The following SAP30BP variants were observed in gnomAD, a reference collection of about 807,000 sequenced individuals.
The protein encoded by SAP30BP is SAP30-binding protein.
A neutral mutation model predicts 46.3 loss-of-function variants in SAP30BP; 31 were observed. The ratio of observed to expected loss-of-function variants is 0.67; its 90% CI spans 0.50 to 0.90. The LOEUF (loss-of-function observed/expected upper bound fraction) is 0.90, where lower values mean the gene tolerates loss of function less well. Among genes scored for constraint, SAP30BP ranks in the 40% least tolerant of loss-of-function variants. The pLI is 0.00. For synonymous variants in SAP30BP, 169 were observed against 144.2 expected, an observed-to-expected ratio of 1.17 and a Z score of -1.23; for missense variants, 312 against 391.0, an observed-to-expected ratio of 0.80 and a Z score of 1.70.
At chr17:75,698,919 A>C (rs1301984852) in intron 4 of SAP30BP, among the ~76,000 whole-genome samples, 1 of 152,236 alleles carries the variant, frequency 6.6e-6, no homozygotes, top group Non-Finnish European at 1.5e-5. Context: ...TGGGCCAGGC[A>C]CAGTGGCTCA....
At chr17:75,667,853 T>C (rs1296764061) in intron 1 of SAP30BP, among the ~76,000 whole-genome samples, 6 of 152,240 alleles carry the variant, frequency 3.9e-5, no homozygotes, top group Non-Finnish European at 5.9e-5. Context: ...GTTAACTTTA[T>C]AACTTTTAGT....
chr17:75,682,700 A>G (rs1157525348), intron 3 of SAP30BP, among the ~76,000 whole-genome samples: 1 of 152,038 alleles, frequency 6.6e-6, no homozygotes, highest in African/African-American at 2.4e-5. Flanking sequence ...GCAGTGGCTC[A>G]TGCCTGTAAT....
At chr17:75,682,738 C>T (rs7219853) in intron 3 of SAP30BP, among the ~76,000 whole-genome samples, 4 of 151,562 alleles carry the variant, frequency 2.6e-5, no homozygotes. Flanking sequence ...CCAAGGCGGG[C>T]GAATCACGAG....
chr17:75,693,390 T>C (rs1326950833), intron 3 of SAP30BP, 50 bp from the exon 4 acceptor site: 1 of 1,517,748 alleles, frequency 6.6e-7, no homozygotes, highest in Non-Finnish European at 9.2e-7. Flanking sequence ...AGAGAGTAGC[T>C]GGTTCAGGAG....
At chr17:75,699,067 C>T (rs1396886273) in intron 4 of SAP30BP, among the ~76,000 whole-genome samples, 1 of 152,200 alleles carries the variant, frequency 6.6e-6, no homozygotes, top group Non-Finnish European at 1.5e-5. Flanking sequence ...TGGCATGCAC[C>T]TGTAGTCCTA....
chr17:75,672,191 T>C, intron 3 of SAP30BP: 1 of 333,654 alleles, frequency 3.0e-6, no homozygotes, highest in South Asian at 3.2e-5. Flanking sequence ...GGTGGATTAG[T>C]CTGTTTCTAG....
intron 4 of SAP30BP, among the ~76,000 whole-genome samples, chr17:75,699,545 C>T (rs2060375004): frequency 6.6e-6 from 1 of 151,396 alleles, no homozygotes; most frequent in African/African-American, 2.4e-5. Context: ...CTGCTGTATA[C>T]ATTTATTCCC....
chr17:75,695,030 A>G (rs1568316970), intron 4 of SAP30BP, among the ~76,000 whole-genome samples: 1 of 152,114 alleles, frequency 6.6e-6, no homozygotes, highest in East Asian at 1.9e-4. Flanking sequence ...TCACTCCGAA[A>G]TGTTCCCTTG....
At chr17:75,699,505 TAAAAAAAA>T in intron 4 of SAP30BP, among the ~76,000 whole-genome samples, 1 of 134,070 alleles carries the variant, frequency 7.5e-6, no homozygotes, top group South Asian at 2.5e-4. Flanking sequence ...CCCGTCTCTT[TAAAAAAAA>T]AAAAAAAAAC....
intron 9 of SAP30BP, chr17:75,705,206 G>T (rs1004619146): frequency 4.1e-6 from 1 of 242,242 alleles, no homozygotes; most frequent in South Asian, 5.1e-5. Context: ...TCAGTGGCTC[G>T]CCTGGGTGCT....
chr17:75,682,086 A>G (rs2060084641), intron 3 of SAP30BP, among the ~76,000 whole-genome samples: 1 of 151,820 alleles, frequency 6.6e-6, no homozygotes, highest in East Asian at 1.9e-4. Context: ...AAATGTTTTT[A>G]TATTGTGTTT....
chr17:75,704,293 G>A (rs1385985441), intron 8 of SAP30BP, among the ~76,000 whole-genome samples: 1 of 152,226 alleles, frequency 6.6e-6, no homozygotes, highest in African/African-American at 2.4e-5. Context: ...TGGGAGCACT[G>A]GGAGAAATGT....
chr17:75,703,706 G>A, intron 7 of SAP30BP, 102 bp from the exon 8 acceptor site: 3 of 1,063,776 alleles, frequency 2.8e-6, no homozygotes, highest in South Asian at 2.5e-5. Context: ...CGAGCCCCGG[G>A]TAAGGGGACC....
intron 4 of SAP30BP, among the ~76,000 whole-genome samples, chr17:75,693,825 C>G (rs1327991471): frequency 2.0e-5 from 3 of 152,260 alleles, no homozygotes; most frequent in East Asian, 3.9e-4. Flanking sequence ...CCCTCCTCCC[C>G]CTCTCCGCTG....
Sources: allele counts gnomAD v4.1 joint callset (sites outside exome capture counted in the v4.1 genomes callset), GRCh38; gene constraint gnomAD v4.1.1; transcripts MANE v1.5; gene names NCBI Gene and HGNC (gene_info 2026-07-23, HGNC 2026-07-21).